The following CHD6 variants were observed in gnomAD, a reference collection of about 807,000 sequenced individuals.
The protein encoded by CHD6 is ATP-dependent chromatin remodeler CHD6.
A neutral mutation model predicts 276.9 loss-of-function variants in CHD6; 50 were observed. The observed-to-expected ratio is 0.18, with a 90% CI of 0.14 to 0.23. The LOEUF (loss-of-function observed/expected upper bound fraction) is 0.23, where lower values mean the gene tolerates loss of function less well. Among genes scored for constraint, CHD6 ranks in the 10% least tolerant of loss-of-function variants. The pLI, the probability that CHD6 is intolerant of heterozygous loss-of-function variation, is 1.00. For synonymous variants in CHD6, 1,173 were observed against 1,229.3 expected, an observed-to-expected ratio of 0.95 and a Z score of 0.96; for missense variants, 2,564 against 3,365.8, an observed-to-expected ratio of 0.76 and a Z score of 5.89.
rs188699738 is a variant in CHD6 at position 41,473,270 on chromosome 20, T to A, written c.2664+52A>T. 602 of 1,551,484 alleles carry A rather than the reference T, an allele frequency of 3.9e-4. 7 individuals carry two copies. In the East Asian group the frequency reaches 0.011, roughly 28 times the overall value. On this transcript the variant is annotated intron_variant, in intron 17 of 36. Transcript: ENST00000373233. The surrounding 1 kb of genome is among the most constrained non-coding windows in gnomAD (Gnocchi z 4.1). ...GTAGCCAAGCCAGGCCCTATCATGA[T>A]GTTCTGGGATCCAGGGCAGCTAAGG...
intron 16 of CHD6, among the ~76,000 whole-genome samples, chr20:41,474,235 T>A (rs765431317): frequency 9.2e-5 from 14 of 152,080 alleles, no homozygotes; most frequent in Non-Finnish European, 1.3e-4. Context: ...TGAGAAGGCA[T>A]ACAACTGTGT....
chr20:41,447,124 A>G (rs771220441), intron 24 of CHD6, among the ~76,000 whole-genome samples: 2 of 152,278 alleles, frequency 1.3e-5, no homozygotes, highest in Admixed American at 6.5e-5. Context: ...CGGGTTGTCT[A>G]TGTCCCTCTC....
chr20:41,502,842 C>T (rs1054810547), intron 5 of CHD6, among the ~76,000 whole-genome samples: 1 of 152,142 alleles, frequency 6.6e-6, no homozygotes, highest in East Asian at 1.9e-4. Flanking sequence ...CCTGTCTCTA[C>T]TAAAAATACA....
intron 24 of CHD6, among the ~76,000 whole-genome samples, chr20:41,446,844 A>G (rs888639006): frequency 6.6e-6 from 1 of 152,250 alleles, no homozygotes; most frequent in Non-Finnish European, 1.5e-5. Context: ...GAGGGTGGGC[A>G]GCAGACTTAC....
intron 2 of CHD6, among the ~76,000 whole-genome samples, chr20:41,541,982 CT>C (rs1282307974): frequency 3.3e-5 from 5 of 152,056 alleles, no homozygotes; most frequent in Non-Finnish European, 7.3e-5. Flanking sequence ...AAACTGTGGG[CT>C]AGTATATGGC....
intron 8 of CHD6, 44 bp downstream of exon 8, chr20:41,497,340 G>C (rs749989629): frequency 1.6e-6 from 2 of 1,217,932 alleles, no homozygotes; most frequent in Non-Finnish European, 2.4e-6. Flanking sequence ...ATTTACTGCT[G>C]CAAGAAAAGC....
At chr20:41,607,363 T>A (rs1167601177) in intron 1 of CHD6, among the ~76,000 whole-genome samples, 2 of 152,204 alleles carry the variant, frequency 1.3e-5, no homozygotes, top group African/African-American at 4.8e-5. Flanking sequence ...TCATGATGCT[T>A]GTAGTGGCAG....
At chr20:41,582,953 G>T (rs1393527086) in intron 1 of CHD6, among the ~76,000 whole-genome samples, 4 of 152,138 alleles carry the variant, frequency 2.6e-5, no homozygotes, top group African/African-American at 9.7e-5. Flanking sequence ...CGGGGAAAAA[G>T]AAGTGGAGGG....
chr20:41,515,006 T>C (rs1345065629), intron 3 of CHD6, 54 bp from the exon 4 acceptor site: 3 of 1,582,462 alleles, frequency 1.9e-6, no homozygotes, highest in Non-Finnish European at 2.6e-6. Flanking sequence ...AAACTAAGAT[T>C]TCTCATGTGA....
intron 9 of CHD6, 79 bp downstream of exon 9, chr20:41,493,779 C>G: frequency 6.4e-7 from 1 of 1,564,988 alleles, no homozygotes; most frequent in Non-Finnish European, 8.8e-7. Context: ...AGGAATACCA[C>G]TAAGACAAGG....
intron 18 of CHD6, 21 bp downstream of exon 18, chr20:41,457,243 G>C (rs775704402): frequency 1.2e-6 from 2 of 1,607,284 alleles, no homozygotes; most frequent in Admixed American, 1.7e-5. Flanking sequence ...TAAGACTCCA[G>C]AGCAGGCCCA....
chr20:41,414,696 T>C (rs2046940716), intron 34 of CHD6: 1 of 322,488 alleles, frequency 3.1e-6, no homozygotes, highest in South Asian at 1.1e-4. Context: ...CCGTGGTAGA[T>C]GCTGTTGCCC....
chr20:41,448,441 T>C (rs1390440074), intron 23 of CHD6, among the ~76,000 whole-genome samples: 1 of 152,248 alleles, frequency 6.6e-6, no homozygotes, highest in Non-Finnish European at 1.5e-5. Flanking sequence ...AGGTGCTCAA[T>C]TCATTTTTAT....
rs75607960 is a variant in CHD6, at chr20:41,585,702, A to C, written c.-24+32638T>G. Among the ~76,000 whole-genome samples the C allele has an allele frequency of 1.1e-4, 16 of 152,290 alleles. No homozygotes were observed. In the East Asian group the frequency reaches 2.9e-3, roughly 28 times the overall value. ...AAACTCTTCCAGAAAAGAGAAAAGG[A>C]GGGGACACTTCCCACCTCATTTCAT... On this transcript the variant is annotated intron_variant, in intron 1 of 36. Coordinates refer to ENST00000373233, the MANE Select transcript of CHD6 (RefSeq NM_032221.5).
intron 1 of CHD6, among the ~76,000 whole-genome samples, chr20:41,566,235 A>C (rs1417852680): frequency 6.6e-6 from 1 of 152,150 alleles, no homozygotes; most frequent in Non-Finnish European, 1.5e-5. Context: ...CCGAGCAGAA[A>C]CTCAACCATG....
intron 36 of CHD6, among the ~76,000 whole-genome samples, chr20:41,407,237 G>A (rs540480521): frequency 1.3e-5 from 2 of 152,286 alleles, no homozygotes; most frequent in East Asian, 3.9e-4. Context: ...TGCAGAGTGG[G>A]GGGTGGGGAT....
At chr20:41,416,566 C>T in intron 33 of CHD6, 22 bp downstream of exon 33, 2 of 1,592,308 alleles carry the variant, frequency 1.3e-6, no homozygotes, top group Non-Finnish European at 1.7e-6. Flanking sequence ...GTTTTGTGGT[C>T]ACTCCATTCT....
Position 41,402,485 on chromosome 20 carries a change from G to A in CHD6, c.*2108C>T, listed in dbSNP as rs1171893301. ...CTACCGGAGGTTATAAGTGGAACCC[G>A]GGGAAAGCAGCTTTTCCATACAAAA... On this transcript the variant is annotated 3_prime_UTR_variant, in exon 37 of 37. Coordinates refer to ENST00000373233, the MANE Select transcript of CHD6 (RefSeq NM_032221.5). The A allele has an allele frequency of 1.7e-5, 4 of 230,292 alleles. No individual in the cohort carries two copies. The highest frequency in any genetic ancestry group is 1.2e-4 in the East Asian group (2 of 16,252). 14.3% of individuals were successfully genotyped at this position (230,292 alleles called of 1,614,324 possible). A position where few individuals can be genotyped will look rare whatever the true frequency, so the allele number is the denominator to read the frequency against.
chr20:41,503,051 T>A (rs530956462), intron 5 of CHD6, among the ~76,000 whole-genome samples: 3 of 152,108 alleles, frequency 2.0e-5, no homozygotes, highest in South Asian at 2.1e-4. Context: ...AAAACCCATA[T>A]GTGCTACATC....
Sources: gnomAD v4.1 joint callset for allele counts (sites outside exome capture counted in the v4.1 genomes callset) on GRCh38, gnomAD v4.1.1 for gene constraint, Gnocchi (gnomAD v3.1) non-coding constraint, MANE v1.5 for transcripts, NCBI Gene and HGNC (gene_info 2026-07-23, HGNC 2026-07-21) for gene names.